Variants in STARD3NL observed in about 807,000 individuals in gnomAD.
STARD3NL encodes the protein STARD3 N-terminal like, also known as STARD3 N-terminal-like protein.
A neutral mutation model predicts 30.9 loss-of-function variants in STARD3NL; 17 were observed. That is an observed-to-expected ratio of 0.55 (90% CI 0.38 to 0.82). The LOEUF (loss-of-function observed/expected upper bound fraction) is 0.82, where lower values mean the gene tolerates loss of function less well. Among genes scored for constraint, STARD3NL ranks in the 40% least tolerant of loss-of-function variants. STARD3NL has a pLI of 0.00. For synonymous variants in STARD3NL, 112 were observed against 100.5 expected (o/e 1.11, Z -0.69); for missense variants, 234 against 277.6 (o/e 0.84, Z 1.12).
intron 1 of STARD3NL, among the ~76,000 whole-genome samples, chr7:38,182,615 C>G (rs1427579018): frequency 6.6e-6 from 1 of 152,122 alleles, no homozygotes; most frequent in Non-Finnish European, 1.5e-5. Context: ...CAGCTCAGGC[C>G]TTTCCAGTTG....
intron 1 of STARD3NL, among the ~76,000 whole-genome samples, chr7:38,190,051 C>T (rs990262052): frequency 8.5e-5 from 13 of 152,126 alleles, no homozygotes; most frequent in African/African-American, 2.9e-4. Context: ...CAATAGTTAC[C>T]TCTTATCCAT....
At chr7:38,210,138 T>C (rs1785715427) in intron 2 of STARD3NL, among the ~76,000 whole-genome samples, 1 of 152,204 alleles carries the variant, frequency 6.6e-6, no homozygotes, top group Non-Finnish European at 1.5e-5. Flanking sequence ...TCTCTAATCA[T>C]TCAAATCCAT....
chr7:38,214,518 G>C, intron 3 of STARD3NL, 84 bp downstream of exon 3: 1 of 820,280 alleles, frequency 1.2e-6, no homozygotes, highest in East Asian at 2.8e-5. Flanking sequence ...CAAATTCCAT[G>C]CCCTTTTTTC....
intron 4 of STARD3NL, 29 bp downstream of exon 4, chr7:38,215,134 C>T: frequency 6.2e-7 from 1 of 1,606,790 alleles, no homozygotes; most frequent in Non-Finnish European, 8.5e-7. Flanking sequence ...AGTGGGTCAT[C>T]TCCTCCAGTG....
intron 1 of STARD3NL, among the ~76,000 whole-genome samples, chr7:38,197,159 T>TCTTTCTTA (rs1784950436): frequency 6.8e-6 from 1 of 146,274 alleles, no homozygotes; most frequent in African/African-American, 2.6e-5. Context: ...TTTCTTTCTT[T>TCTTTCTTA]CTTTCTTTCT....
Position 38,217,200 on chromosome 7 carries a change from G to C in STARD3NL, c.448G>C (p.Gly150Arg). 1 of 1,614,042 alleles carries C rather than the reference G, an allele frequency of 6.2e-7. No individual in the cohort carries two copies. Among genetic ancestry groups the C allele is most frequent in the Non-Finnish European group, 8.5e-7 (1 of 1,179,944 alleles). The part of the protein sequence containing the change: ...KVILSKLFSQ[G>R]AFGYVLPIIS... ...TCGTATTTTCCAGCTTTTCTCTCAA[G>C]GGGCTTTTGGCTATGTGCTGCCCAT... Residue 150 changes from glycine to arginine, a missense_variant, in exon 6 of 9, where the codon GGG becomes CGG. Gly to Arg is a moderately radical substitution (Grantham distance 125). Transcript: ENST00000009041.
chr7:38,178,916 T>G (rs1784134999), intron 1 of STARD3NL, among the ~76,000 whole-genome samples: 1 of 152,218 alleles, frequency 6.6e-6, no homozygotes, highest in Non-Finnish European at 1.5e-5. Flanking sequence ...TCCCTGTGGT[T>G]TCAGTTAACT....
At chr7:38,192,874 C>T (rs1042368442) in intron 1 of STARD3NL, among the ~76,000 whole-genome samples, 2 of 121,910 alleles carry the variant, frequency 1.6e-5, no homozygotes, top group Non-Finnish European at 3.7e-5. Flanking sequence ...CACTCCTCTC[C>T]TGTTTGTTCT....
intron 1 of STARD3NL, among the ~76,000 whole-genome samples, chr7:38,198,741 T>C (rs1445343859): frequency 6.6e-6 from 1 of 152,134 alleles, no homozygotes; most frequent in Admixed American, 6.5e-5. Context: ...GGCTGAGAGA[T>C]TGTGGGGCTC....
intron 1 of STARD3NL, among the ~76,000 whole-genome samples, chr7:38,192,540 C>T (rs1054222947): frequency 3.9e-5 from 6 of 152,100 alleles, no homozygotes; most frequent in African/African-American, 1.2e-4. Context: ...TTTGTGAGAA[C>T]ATAATGTCTT....
rs56319128 is a variant in STARD3NL at position 38,197,136 on chromosome 7, T to TTTTCTTTCTTTCTTTCTTTCTTTCTTTC, written c.-58-10279_-58-10252dup. Among the ~76,000 whole-genome samples the TTTTCTTTCTTTCTTTCTTTCTTTCTTTC allele has an allele frequency of 3.2e-3, 363 of 112,330 alleles. 3 individuals carry two copies. Among genetic ancestry groups the TTTTCTTTCTTTCTTTCTTTCTTTCTTTC allele is most frequent in the Admixed American group, 7.3e-3 (71 of 9,790 alleles). The allele number at this position is 112,330 out of a possible 152,430, so 73.7% of individuals were successfully genotyped here. On this transcript the variant is annotated intron_variant, in intron 1 of 8. Transcript: ENST00000009041. ...TGATCCTGTGAGATAGCATTACCTT[T>TTTTCTTTCTTTCTTTCTTTCTTTCTTTC]TTTCTTTCTTTCTTTCTTTCTTTCT... is the stretch of plus-strand genomic sequence containing the variant.
chr7:38,185,015 G>T (rs1784403944), intron 1 of STARD3NL, among the ~76,000 whole-genome samples: 1 of 151,828 alleles, frequency 6.6e-6, no homozygotes, highest in Non-Finnish European at 1.5e-5. Flanking sequence ...AACGTGCTCT[G>T]AGTCTGTTCT....
chr7:38,199,994 T>A lies in STARD3NL; in HGVS notation c.-58-7453T>A, dbSNP rs537901975. On this transcript the variant is annotated intron_variant, in intron 1 of 8. Transcript: ENST00000009041. ...TGCTGGGCAGGCAGCTCTAATCTAG[T>A]CTGTGGGGTTCCAGCACCTAGGCTA... 3.3e-5 allele frequency among the ~76,000 whole-genome samples: 5 copies of A among 152,310 alleles called. No individual in the cohort carries two copies. In the East Asian group the frequency reaches 9.6e-4, roughly 29 times the overall value.
intron 3 of STARD3NL, among the ~76,000 whole-genome samples, chr7:38,214,793 C>CT (rs936412567): frequency 2.6e-5 from 4 of 152,046 alleles, no homozygotes; most frequent in African/African-American, 7.3e-5. Flanking sequence ...AAAATGACAT[C>CT]TTTTTTTTCT....
At position 38,188,393 on chromosome 7, in the gene STARD3NL, C is replaced by T. The variant is rs1014411902; in HGVS notation, c.-59+9973C>T. Among the ~76,000 whole-genome samples the T allele has an allele frequency of 4.6e-5, 7 of 152,330 alleles. No individual in the cohort carries two copies. In the East Asian group the frequency reaches 1.4e-3, roughly 29 times the overall value. On this transcript the variant is annotated intron_variant, in intron 1 of 8. Transcript: ENST00000009041. ...TCTACCTGGCATTTCTCCCTTATCT[C>T]CTAGTCGTTGCTCAGATGCTGCCTC... is the stretch of plus-strand genomic sequence containing the variant.
intron 1 of STARD3NL, among the ~76,000 whole-genome samples, chr7:38,190,490 G>A (rs1562598705): frequency 6.6e-6 from 1 of 152,126 alleles, no homozygotes; most frequent in Admixed American, 6.5e-5. Flanking sequence ...AGATAAACAG[G>A]TACAGACACA....
chr7:38,214,237 C>T (rs554152019), intron 2 of STARD3NL, 120 bp from the exon 3 acceptor site: 64 of 626,838 alleles, frequency 1.0e-4, no homozygotes, highest in South Asian at 1.9e-4. Context: ...TTCTTTTCTT[C>T]GCACTTTAGC....
chr7:38,216,698 C>T (rs1016814747), intron 4 of STARD3NL: 9 of 312,498 alleles, frequency 2.9e-5, no homozygotes, highest in African/African-American at 6.4e-5. Context: ...TACCTATGCA[C>T]TTTACCAGTC....
chr7:38,207,408 C>T (rs1785545188), intron 1 of STARD3NL, 39 bp from the exon 2 acceptor site: 1 of 978,774 alleles, frequency 1.0e-6, no homozygotes, highest in Non-Finnish European at 1.5e-6. Context: ...ATTTGATCAG[C>T]TTGGATTTAA....
Sources: gnomAD v4.1 joint callset for allele counts (sites outside exome capture counted in the v4.1 genomes callset) on GRCh38, gnomAD v4.1.1 for gene constraint, MANE v1.5 for transcripts, NCBI Gene and HGNC (gene_info 2026-07-23, HGNC 2026-07-21) for gene names.